ZHX2: variants seen among roughly 807,000 people sequenced by gnomAD.
The protein encoded by ZHX2 is zinc fingers and homeoboxes protein 2.
ZHX2 carries 6 observed loss-of-function variants against 21.9 expected under a neutral mutation model. That is an observed-to-expected ratio of 0.27 (90% confidence interval 0.15 to 0.54). The LOEUF is 0.54. Among genes scored for constraint, ZHX2 ranks in the 20% least tolerant of loss-of-function variants. The pLI is 0.95. For missense variants in ZHX2, 908 were observed against 1,090.7 expected (o/e 0.83, Z 2.36); for synonymous variants, 434 against 437.1 (o/e 0.99, Z 0.09).
At position 122,781,902 on chromosome 8, in the gene ZHX2, TCCGCGTTCCCAGCCCGGGTCC is replaced by T. The variant is rs1355639314; in HGVS notation, c.-318_-298del. Reference sequence around the variant, plus strand: ...CATTTTGGAACGCCCGTGCCGCGTCTCCGCGTTCCCAGCCCGGGTCCCCGCGTTCACAGCCCCAGCGCAGGT... The same window carrying T: ...CATTTTGGAACGCCCGTGCCGCGTCTCCGCGTTCACAGCCCCAGCGCAGGT... On this transcript the variant is annotated 5_prime_UTR_variant, in exon 1 of 4. Coordinates refer to ENST00000314393, the MANE Select transcript of ZHX2 (RefSeq NM_014943.5). This position sits in a 1 kb window ranked among gnomAD's most constrained non-coding sequence, Gnocchi z 4.6. 2.0e-5 allele frequency: 3 copies of T among 152,232 alleles called. No individual in the cohort carries two copies. The highest frequency in any genetic ancestry group is 2.9e-5 in the Non-Finnish European group (2 of 68,070). 9.4% of individuals were successfully genotyped at this position (152,232 alleles called of 1,614,324 possible).
Position 122,973,456 on chromosome 8 carries a change from A to G in ZHX2, c.*219A>G, listed in dbSNP as rs1813778116. 6.5e-6 allele frequency: 1 copy of G among 152,688 alleles called. No homozygotes were observed. Among genetic ancestry groups the G allele is most frequent in the Admixed American group, 6.5e-5 (1 of 15,284 alleles). The allele number at this position is 152,688 out of a possible 1,614,324, so 9.5% of individuals were successfully genotyped here. On this transcript the variant is annotated 3_prime_UTR_variant, in exon 4 of 4. Transcript: ENST00000314393. Reference sequence around the variant, plus strand: ...TTGTTCATAGTGCCAAAGTCCTACTACTGCGTTTTCAATGGGTCCTTGTAC... The same window carrying G: ...TTGTTCATAGTGCCAAAGTCCTACTGCTGCGTTTTCAATGGGTCCTTGTAC...
chr8:122,811,985 G>T (rs1187502016), intron 1 of ZHX2: 1 of 152,178 alleles, frequency 6.6e-6, no homozygotes, highest in Non-Finnish European at 1.5e-5. Context: ...TACATTTTTG[G>T]ACTGAGGAGA....
At chr8:122,921,411 T>A (rs1820735600) in intron 2 of ZHX2, among the ~76,000 whole-genome samples, 2 of 152,178 alleles carry the variant, frequency 1.3e-5, no homozygotes. Flanking sequence ...GCCCAAGTGC[T>A]GACCACAGGG....
intron 1 of ZHX2, among the ~76,000 whole-genome samples, chr8:122,846,224 G>T (rs1038276605): frequency 1.6e-4 from 25 of 152,236 alleles, no homozygotes; most frequent in African/African-American, 6.0e-4. Flanking sequence ...GTTGGAGGTT[G>T]TGGGGAGGGG....
At chr8:122,967,576 G>A (rs539033254) in intron 3 of ZHX2, among the ~76,000 whole-genome samples, 13 of 152,320 alleles carry the variant, frequency 8.5e-5, no homozygotes, top group African/African-American at 3.1e-4. Context: ...TGGACTCTGG[G>A]AGTCCTTGGT....
intron 1 of ZHX2, among the ~76,000 whole-genome samples, chr8:122,783,542 G>T (rs1216319855): frequency 6.6e-6 from 1 of 152,134 alleles, no homozygotes; most frequent in East Asian, 1.9e-4. Context: ...AGAAATTAAT[G>T]CCTGTAGAAG....
intron 1 of ZHX2, 200 bp from the exon 2 acceptor site, chr8:122,863,277 T>A (rs1363806311): frequency 6.6e-6 from 1 of 150,766 alleles, no homozygotes; most frequent in Admixed American, 6.6e-5. Context: ...TTTTTTTTTT[T>A]CTTTTTTTCT....
chr8:122,933,539 C>T (rs188954787), intron 2 of ZHX2, among the ~76,000 whole-genome samples: 5 of 151,932 alleles, frequency 3.3e-5, no homozygotes, highest in South Asian at 2.1e-4. Flanking sequence ...GCAGCTGTTA[C>T]GATTCTTTCC....
At chr8:122,856,108 C>G (rs1819016471) in intron 1 of ZHX2, among the ~76,000 whole-genome samples, 7 of 152,174 alleles carry the variant, frequency 4.6e-5, no homozygotes, top group Admixed American at 4.6e-4. Flanking sequence ...CCATCATATT[C>G]CATTTTATGG....
chr8:122,901,439 C>G (rs1820227884), intron 2 of ZHX2, among the ~76,000 whole-genome samples: 1 of 152,172 alleles, frequency 6.6e-6, no homozygotes, highest in Non-Finnish European at 1.5e-5. Flanking sequence ...AGCTGGGTTT[C>G]TAGGAGGAGG....
At chr8:122,802,151 C>T (rs865876995) in intron 1 of ZHX2, among the ~76,000 whole-genome samples, 3 of 152,196 alleles carry the variant, frequency 2.0e-5, no homozygotes, top group Middle Eastern at 6.3e-3. Flanking sequence ...ACAGCCTCCA[C>T]CTCCCCGGTT....
At chr8:122,818,700 C>T (rs752280241) in intron 1 of ZHX2, among the ~76,000 whole-genome samples, 5 of 152,190 alleles carry the variant, frequency 3.3e-5, no homozygotes, top group South Asian at 2.1e-4. Context: ...GGACGCGCCC[C>T]GTGAGGAATT....
intron 1 of ZHX2, among the ~76,000 whole-genome samples, chr8:122,812,276 C>T (rs1193142369): frequency 1.3e-5 from 2 of 152,174 alleles, no homozygotes; most frequent in Admixed American, 6.5e-5. Flanking sequence ...GGAAAAGAGC[C>T]TTATGGGCCA....
rs562525279 is a variant in ZHX2, at chr8:122,887,475, G to A, written c.-220+23936G>A. Among the ~76,000 whole-genome samples the A allele has an allele frequency of 1.7e-4, 26 of 152,068 alleles. No individual in the cohort carries two copies. In the South Asian group the frequency reaches 2.7e-3, roughly 16 times the overall value. On this transcript the variant is annotated intron_variant, in intron 2 of 3. Coordinates refer to ENST00000314393, the MANE Select transcript of ZHX2 (RefSeq NM_014943.5). Reference sequence around the variant, plus strand: ...AGAGGTTGCAGTGAGCCGAGATTGCGCCACTGCACTCCAGCCTGGGTGACA... The same window carrying A: ...AGAGGTTGCAGTGAGCCGAGATTGCACCACTGCACTCCAGCCTGGGTGACA...
At chr8:122,919,612 C>T (rs1172789452) in intron 2 of ZHX2, among the ~76,000 whole-genome samples, 1 of 152,176 alleles carries the variant, frequency 6.6e-6, no homozygotes, top group East Asian at 1.9e-4. Flanking sequence ...AATTACTAGT[C>T]AAGCTGTATC....
At chr8:122,888,649 A>G (rs558612797) in intron 2 of ZHX2, among the ~76,000 whole-genome samples, 34 of 152,186 alleles carry the variant, frequency 2.2e-4, no homozygotes, top group Admixed American at 1.2e-3. Context: ...CATCTGGCTA[A>G]TTTTTGTATT....
chr8:122,935,206 G>T (rs1586401816), intron 2 of ZHX2, among the ~76,000 whole-genome samples: 1 of 148,910 alleles, frequency 6.7e-6, no homozygotes, highest in Non-Finnish European at 1.5e-5. Flanking sequence ...ATCTATTCCT[G>T]AATTGTCTTA....
chr8:122,923,214 C>T (rs1428767905), intron 2 of ZHX2, among the ~76,000 whole-genome samples: 2 of 152,236 alleles, frequency 1.3e-5, no homozygotes, highest in Non-Finnish European at 2.9e-5. Context: ...TTATATCTCA[C>T]AGTTCTGTGA....
chr8:122,936,570 G>T (rs1230754222), intron 2 of ZHX2, among the ~76,000 whole-genome samples: 3 of 152,218 alleles, frequency 2.0e-5, no homozygotes, highest in Non-Finnish European at 4.4e-5. Context: ...AATGGTGGCA[G>T]CGAGGAGGCT....
Sources: allele counts gnomAD v4.1 joint callset (sites outside exome capture counted in the v4.1 genomes callset), GRCh38; gene constraint gnomAD v4.1.1; non-coding constraint Gnocchi (gnomAD v3.1); transcripts MANE v1.5; gene names NCBI Gene and HGNC (gene_info 2026-07-23, HGNC 2026-07-21).